MAPK10: variants seen among roughly 807,000 people sequenced by gnomAD.
MAPK10 encodes the protein mitogen-activated protein kinase 10, also known as JNK3 alpha protein kinase.
Under a neutral mutation model 59.3 loss-of-function variants are expected in MAPK10, and 25 were observed. The ratio of observed to expected loss-of-function variants is 0.42; its 90% CI spans 0.31 to 0.59. MAPK10 has a LOEUF of 0.59. Among genes scored for constraint, MAPK10 ranks in the 20% least tolerant of loss-of-function variants. The pLI is 0.15. For missense variants in MAPK10, 351 were observed against 568.9 expected, an observed-to-expected ratio of 0.62 and a Z score of 3.90; for synonymous variants, 190 against 200.5, an observed-to-expected ratio of 0.95 and a Z score of 0.44.
intron 4 of MAPK10, among the ~76,000 whole-genome samples, chr4:86,109,640 G>T (rs1293493899): frequency 6.6e-6 from 1 of 152,182 alleles, no homozygotes; most frequent in African/African-American, 2.4e-5. Context: ...TATCATTGAT[G>T]GGCATTTGGG....
At chr4:86,410,607 A>G (rs757490473) in intron 1 of MAPK10, among the ~76,000 whole-genome samples, 20 of 152,048 alleles carry the variant, frequency 1.3e-4, no homozygotes, top group Non-Finnish European at 2.5e-4. Context: ...TCAGAGATTC[A>G]CCTTCTTCCT....
chr4:86,296,606 A>G (rs974142915), intron 2 of MAPK10, among the ~76,000 whole-genome samples: 2 of 152,222 alleles, frequency 1.3e-5, no homozygotes, highest in Non-Finnish European at 1.5e-5. Context: ...TAGAACTGGA[A>G]TGTAAATATA....
chr4:86,131,600 C>T (rs2061017466), intron 4 of MAPK10, among the ~76,000 whole-genome samples: 1 of 152,080 alleles, frequency 6.6e-6, no homozygotes, highest in African/African-American at 2.4e-5. Context: ...AAAAAAGAGG[C>T]TTCACAACTC....
chr4:86,450,836 T>TAACC (rs1750612878), intron 1 of MAPK10, among the ~76,000 whole-genome samples: 1 of 152,232 alleles, frequency 6.6e-6, no homozygotes, highest in Non-Finnish European at 1.5e-5. Context: ...AAATGCTGGC[T>TAACC]AACCAAACTT....
intron 1 of MAPK10, among the ~76,000 whole-genome samples, chr4:86,517,256 C>T (rs1756742823): frequency 6.8e-6 from 1 of 147,286 alleles, no homozygotes; most frequent in Admixed American, 6.8e-5. Flanking sequence ...CCCACTTGAA[C>T]ATGGTGTATT....
At chr4:86,148,212 G>T (rs1200451366) in intron 4 of MAPK10, among the ~76,000 whole-genome samples, 2 of 152,112 alleles carry the variant, frequency 1.3e-5, no homozygotes, top group Non-Finnish European at 2.9e-5. Flanking sequence ...AATTACTTTT[G>T]CTGAGCAGTA....
intron 1 of MAPK10, among the ~76,000 whole-genome samples, chr4:86,558,491 TG>T (rs1379917924): frequency 6.6e-6 from 1 of 152,146 alleles, no homozygotes; most frequent in Non-Finnish European, 1.5e-5. Context: ...GTATGAGATT[TG>T]CCCAATGACG....
At chr4:86,548,191 C>T (rs1442982521) in intron 1 of MAPK10, among the ~76,000 whole-genome samples, 2 of 152,126 alleles carry the variant, frequency 1.3e-5, no homozygotes, top group South Asian at 2.1e-4. Context: ...GACCACGAAC[C>T]CACCGGGAGG....
intron 1 of MAPK10, among the ~76,000 whole-genome samples, chr4:86,422,093 T>C (rs1204666132): frequency 6.6e-6 from 1 of 152,224 alleles, no homozygotes; most frequent in Non-Finnish European, 1.5e-5. Context: ...TACCTGTCTA[T>C]TTCCCTCATA....
At chr4:86,571,327 CGTGTGTGTGTGTGTGT>C (rs34133535) in intron 1 of MAPK10, among the ~76,000 whole-genome samples, 1 of 139,644 alleles carries the variant, frequency 7.2e-6, no homozygotes, top group Non-Finnish European at 1.6e-5. Context: ...TATATATATA[CGTGTGTGTGTGTGTGT>C]GTGTGTGTGT....
At chr4:86,320,194 G>A (rs537454275) in intron 2 of MAPK10, among the ~76,000 whole-genome samples, 26 of 152,290 alleles carry the variant, frequency 1.7e-4, no homozygotes, top group African/African-American at 5.5e-4. Flanking sequence ...TAGCTATCAG[G>A]CTAGATATCT....
intron 3 of MAPK10, among the ~76,000 whole-genome samples, chr4:86,171,332 A>G (rs1386980292): frequency 1.3e-5 from 2 of 152,196 alleles, no homozygotes; most frequent in Non-Finnish European, 1.5e-5. Flanking sequence ...TGCTAGCAAG[A>G]TTAATAAAGA....
chr4:86,427,402 T>C (rs1038473467), intron 1 of MAPK10, among the ~76,000 whole-genome samples: 2 of 151,974 alleles, frequency 1.3e-5, no homozygotes, highest in African/African-American at 4.8e-5. Flanking sequence ...GGCCTCCTAC[T>C]CTCCTCTGAC....
At chr4:86,068,551 CAAAG>C (rs2047161431) in intron 9 of MAPK10, among the ~76,000 whole-genome samples, 1 of 151,944 alleles carries the variant, frequency 6.6e-6, no homozygotes, top group Non-Finnish European at 1.5e-5. Context: ...ATTTATTAAA[CAAAG>C]AAGCCACCTA....
chr4:86,106,643 C>A (rs2056594928), intron 5 of MAPK10, among the ~76,000 whole-genome samples: 1 of 151,610 alleles, frequency 6.6e-6, no homozygotes, highest in African/African-American at 2.4e-5. Context: ...AGCTGAGTTC[C>A]GATGAGAAAA....
At chr4:86,296,622 C>A (rs1387338008) in intron 2 of MAPK10, among the ~76,000 whole-genome samples, 1 of 152,128 alleles carries the variant, frequency 6.6e-6, no homozygotes, top group Non-Finnish European at 1.5e-5. Flanking sequence ...ATATAATGTT[C>A]TTTGCCCTGA....
At chr4:86,437,141 G>A (rs1289470181) in intron 1 of MAPK10, among the ~76,000 whole-genome samples, 1 of 151,218 alleles carries the variant, frequency 6.6e-6, no homozygotes, top group Non-Finnish European at 1.5e-5. Context: ...GTGAACCTGG[G>A]AGGTGGAGCT....
chr4:86,537,636 T>C (rs991361008), intron 1 of MAPK10, among the ~76,000 whole-genome samples: 5 of 152,144 alleles, frequency 3.3e-5, no homozygotes, highest in Non-Finnish European at 7.4e-5. Context: ...AGAAATATTT[T>C]TGGTTCTATC....
chr4:86,409,544 T>C (rs987788331), intron 1 of MAPK10, among the ~76,000 whole-genome samples: 5 of 152,240 alleles, frequency 3.3e-5, no homozygotes, highest in Non-Finnish European at 7.3e-5. Context: ...CATGGAATGT[T>C]CTTCCACTTG....
Sources: allele counts gnomAD v4.1 joint callset (sites outside exome capture counted in the v4.1 genomes callset), GRCh38; gene constraint gnomAD v4.1.1; transcripts MANE v1.5; gene names NCBI Gene and HGNC (gene_info 2026-07-23, HGNC 2026-07-21).